PARD3: variants seen among roughly 807,000 people sequenced by gnomAD.
The protein encoded by PARD3 is par-3 family cell polarity regulator, also known as partitioning defective 3 homolog.
Under a neutral mutation model 155.4 loss-of-function variants are expected in PARD3, and 75 were observed. The observed-to-expected ratio is 0.48, with a 90% CI of 0.40 to 0.58. PARD3 has a LOEUF of 0.58. Ranked by LOEUF, PARD3 falls within the 20% of genes least tolerant of loss-of-function variation. PARD3 has a pLI of 0.00. For synonymous variants in PARD3, 576 were observed against 610.5 expected, an observed-to-expected ratio of 0.94 and a Z score of 0.83; for missense variants, 1,642 against 1,721.7, an observed-to-expected ratio of 0.95 and a Z score of 0.82.
chr10:34,549,921 A>G (rs1589973581), intron 2 of PARD3, among the ~76,000 whole-genome samples: 1 of 152,148 alleles, frequency 6.6e-6, no homozygotes, highest in Non-Finnish European at 1.5e-5. Context: ...ATTCTCCTCC[A>G]CGACCAGGCC....
chr10:34,696,050 T>A (rs1477560382), intron 2 of PARD3, among the ~76,000 whole-genome samples: 1 of 152,230 alleles, frequency 6.6e-6, no homozygotes, highest in Non-Finnish European at 1.5e-5. Flanking sequence ...CATAGAAATC[T>A]TTTTGTGATA....
chr10:34,305,888 A>G (rs1001730970), intron 20 of PARD3, among the ~76,000 whole-genome samples: 9 of 152,210 alleles, frequency 5.9e-5, no homozygotes, highest in African/African-American at 2.2e-4. Flanking sequence ...CAGGAGACTG[A>G]GGCAGGAGAA....
rs1220436247 is a variant in PARD3 at position 34,145,211 on chromosome 10, ATATATATATATTTTTTTT to A, written c.3420-13646_3420-13629del. Among the ~76,000 whole-genome samples, 13 of 64,616 alleles carry A rather than the reference ATATATATATATTTTTTTT, an allele frequency of 2.0e-4. 1 individual carries two copies. The highest frequency in any genetic ancestry group is 7.4e-3 in the Middle Eastern group (1 of 136). 42.4% of individuals were successfully genotyped at this position (64,616 alleles called of 152,430 possible). On this transcript the variant is annotated intron_variant, in intron 22 of 24. Coordinates refer to ENST00000374788, the MANE Select transcript of PARD3 (RefSeq NM_001184785.2). ...TGTGTATATATATATATATATATAT[ATATATATATATTTTTTTT>A]TTTTTTTTTTTTACAGGATCTTCTC...
Position 34,463,043 on chromosome 10 carries a change from G to A in PARD3, c.582+7042C>T, listed in dbSNP as rs185692856. ...GGAAAGGGAACGAGGAGGGGAAGGG[G>A]AGGAAAGGGAAGGGGGAGGGGAAGG... is the stretch of plus-strand genomic sequence containing the variant. On this transcript the variant is annotated intron_variant, in intron 4 of 24. Coordinates refer to ENST00000374788, the MANE Select transcript of PARD3 (RefSeq NM_001184785.2). Among the ~76,000 whole-genome samples the A allele has an allele frequency of 3.1e-3, 248 of 79,410 alleles. 2 individuals carry two copies. The highest frequency in any genetic ancestry group is 0.012 in the African/African-American group (239 of 19,470). 52.1% of individuals were successfully genotyped at this position (79,410 alleles called of 152,430 possible).
intron 2 of PARD3, among the ~76,000 whole-genome samples, chr10:34,691,427 C>T (rs1402919694): frequency 6.6e-6 from 1 of 152,108 alleles, no homozygotes; most frequent in Non-Finnish European, 1.5e-5. Context: ...AAAAACACTG[C>T]TCAAAGAAAC....
chr10:34,341,642 C>T lies in PARD3; in HGVS notation c.2393G>A (p.Ser798Asn), dbSNP rs118153230. 2,862 of 1,611,826 alleles carry T rather than the reference C, an allele frequency of 1.8e-3. 48 individuals are homozygous for T. In the Admixed American group the frequency reaches 0.028, roughly 16 times the overall value. The change falls in exon 16 of 25, where the codon AGT becomes AAT. Residue 798 changes from serine to asparagine, a missense_variant. This residue lies in a region of PARD3 where 1,529 missense variants were observed against 1,587.3 expected (regional missense o/e 0.96). Transcript: ENST00000374788. ...ATGAGCTTACCAGTCGGCTGAATCA[C>T]TGATTGCAGCCTTGGCCCAAGTACC... ...DAGTWAKAAI[S>N]DSADCSLSPD...
intron 2 of PARD3, among the ~76,000 whole-genome samples, chr10:34,680,960 T>C (rs1289434592): frequency 6.7e-6 from 1 of 150,146 alleles, no homozygotes; most frequent in East Asian, 2.0e-4. Flanking sequence ...AATGTGCACA[T>C]GTACCCTAAA....
At chr10:34,204,313 G>A (rs1299776539) in intron 22 of PARD3, among the ~76,000 whole-genome samples, 1 of 152,184 alleles carries the variant, frequency 6.6e-6, no homozygotes, top group Admixed American at 6.5e-5. Flanking sequence ...AAAGGAAAGA[G>A]AGTCCAGTGG....
intron 2 of PARD3, among the ~76,000 whole-genome samples, chr10:34,664,391 T>C (rs2093400357): frequency 6.6e-6 from 1 of 151,520 alleles, no homozygotes; most frequent in Admixed American, 6.6e-5. Context: ...TTAGTAGAGG[T>C]GGGGTTTCAC....
At chr10:34,529,924 G>A (rs1033098052) in intron 2 of PARD3, among the ~76,000 whole-genome samples, 4 of 151,956 alleles carry the variant, frequency 2.6e-5, no homozygotes, top group Non-Finnish European at 5.9e-5. Flanking sequence ...TAGTAGAGAC[G>A]GAGTTTCACA....
chr10:34,341,958 C>A (rs1225447032), intron 15 of PARD3, 142 bp from the exon 16 acceptor site: 8 of 543,042 alleles, frequency 1.5e-5, no homozygotes, highest in Non-Finnish European at 2.6e-5. Flanking sequence ...CAGAATTTAG[C>A]ACATTTATTT....
chr10:34,273,378 A>G (rs1955722507), intron 21 of PARD3, among the ~76,000 whole-genome samples: 1 of 152,214 alleles, frequency 6.6e-6, no homozygotes, highest in Non-Finnish European at 1.5e-5. Flanking sequence ...CAATGTGAAA[A>G]AAACCCCAGT....
intron 1 of PARD3, among the ~76,000 whole-genome samples, chr10:34,731,594 T>C (rs550166648): frequency 5.3e-5 from 8 of 152,238 alleles, no homozygotes; most frequent in African/African-American, 1.9e-4. Flanking sequence ...ATCACAGAAC[T>C]TAAAGGGATT....
intron 21 of PARD3, among the ~76,000 whole-genome samples, chr10:34,272,712 C>A (rs1332477381): frequency 6.6e-6 from 1 of 152,074 alleles, no homozygotes; most frequent in Admixed American, 6.6e-5. Flanking sequence ...TGTGACAGAG[C>A]AAGATCCTGA....
At chr10:34,147,756 A>C (rs1029188512) in intron 22 of PARD3, among the ~76,000 whole-genome samples, 3 of 152,100 alleles carry the variant, frequency 2.0e-5, no homozygotes, top group African/African-American at 7.2e-5. Context: ...AGCTCCTATG[A>C]AAGGGCTGGG....
chr10:34,644,681 A>ATGT (rs2092782163), intron 2 of PARD3, among the ~76,000 whole-genome samples: 5 of 152,188 alleles, frequency 3.3e-5, no homozygotes, highest in African/African-American at 1.2e-4. Flanking sequence ...AACTATGAAA[A>ATGT]GCCTTTATGT....
chr10:34,757,677 C>T lies in PARD3; in HGVS notation c.120+57199G>A, dbSNP rs11009921. Among the ~76,000 whole-genome samples the T allele has an allele frequency of 8.7e-3, 1,308 of 150,528 alleles. 16 individuals carry two copies. Among genetic ancestry groups the T allele is most frequent in the African/African-American group, 0.031 (1,254 of 40,876 alleles). On this transcript the variant is annotated intron_variant, in intron 1 of 24. Coordinates refer to ENST00000374788, the MANE Select transcript of PARD3 (RefSeq NM_001184785.2). ...AATGAGCCAAGATCGTGCCACTGGG[C>T]GAAACCTGTCTCCAAGAAAAAAAAA...
At chr10:34,300,531 C>T (rs775545274) in intron 20 of PARD3, among the ~76,000 whole-genome samples, 2 of 151,958 alleles carry the variant, frequency 1.3e-5, no homozygotes, top group Non-Finnish European at 2.9e-5. Context: ...TGCCTGTGGT[C>T]CCAGCTACAT....
chr10:34,604,169 G>A (rs1366060710), intron 2 of PARD3, among the ~76,000 whole-genome samples: 5 of 152,092 alleles, frequency 3.3e-5, no homozygotes, highest in East Asian at 1.9e-4. Context: ...CCCAGTTTTC[G>A]GAGGAGAAGG....
Sources: gnomAD v4.1 joint callset for allele counts (sites outside exome capture counted in the v4.1 genomes callset) on GRCh38, gnomAD v4.1.1 for gene constraint, gnomAD v4.1.1 regional missense constraint, MANE v1.5 for transcripts, NCBI Gene and HGNC (gene_info 2026-07-23, HGNC 2026-07-21) for gene names.